FERMT1: variants seen among roughly 807,000 people sequenced by gnomAD.
FERMT1 encodes FERM domain containing kindlin 1, also known as fermitin family homolog 1.
In FERMT1, 60 loss-of-function variants were observed where a neutral mutation model predicts 85.3. The observed-to-expected ratio is 0.70, with a 90% CI of 0.57 to 0.87. The LOEUF is 0.87. FERMT1 is among the 40% of genes least tolerant of loss of function. FERMT1 has a pLI of 0.00. For synonymous variants in FERMT1, 275 were observed against 301.1 expected (o/e 0.91, Z 0.90); for missense variants, 701 against 818.9 (o/e 0.86, Z 1.76).
chr20:6,077,717 G>C (rs1981869710), intron 14 of FERMT1, among the ~76,000 whole-genome samples: 1 of 151,794 alleles, frequency 6.6e-6, no homozygotes, highest in African/African-American at 2.4e-5. Flanking sequence ...GTCTCTCTCT[G>C]TCACCCAGGC....
At position 6,107,643 on chromosome 20, in the gene FERMT1, T is replaced by C; in HGVS notation, c.747-9A>G. 6.5e-7 allele frequency: 1 copy of C among 1,538,210 alleles called. No homozygotes were observed. The highest frequency in any genetic ancestry group is 1.4e-5 in the African/African-American group (1 of 73,576). On this transcript the variant is annotated splice_polypyrimidine_tract_variant and intron_variant, in intron 5 of 14. Coordinates refer to ENST00000217289, the MANE Select transcript of FERMT1 (RefSeq NM_017671.5). Reference sequence around the variant, plus strand: ...GTGAGGAGTCTAGCCAACTAGAAAATGACAGCATGAGTTTTAGAAGCCAGT... The same window carrying C: ...GTGAGGAGTCTAGCCAACTAGAAAACGACAGCATGAGTTTTAGAAGCCAGT...
chr20:6,097,700 A>G, intron 6 of FERMT1, 69 bp from the exon 7 acceptor site: 2 of 1,078,404 alleles, frequency 1.9e-6, no homozygotes, highest in Non-Finnish European at 2.9e-6. Context: ...AGATTCTGAA[A>G]CAACTGAGGC....
At chr20:6,097,111 T>C in intron 7 of FERMT1, 78 bp from the exon 8 acceptor site, 1 of 1,417,080 alleles carries the variant, frequency 7.1e-7, no homozygotes, top group Non-Finnish European at 9.9e-7. Flanking sequence ...AGCCATTTTT[T>C]TCTTTGAGGA....
chr20:6,081,067 A>G (rs1981981160), intron 13 of FERMT1, among the ~76,000 whole-genome samples: 1 of 152,144 alleles, frequency 6.6e-6, no homozygotes, highest in African/African-American at 2.4e-5. Flanking sequence ...CAAGGGGATT[A>G]CTTGAAGCCA....
chr20:6,082,717 G>A (rs536290127), intron 13 of FERMT1, among the ~76,000 whole-genome samples: 20 of 152,264 alleles, frequency 1.3e-4, no homozygotes, highest in Admixed American at 3.9e-4. Flanking sequence ...GGGCAGTGGC[G>A]CGATCTCAGC....
intron 2 of FERMT1, 125 bp downstream of exon 2, chr20:6,119,279 G>C: frequency 1.0e-6 from 1 of 980,764 alleles, no homozygotes; most frequent in Admixed American, 1.8e-5. Flanking sequence ...CTGGGATGAG[G>C]GGTGGGGGAT....
chr20:6,079,442 G>A lies in FERMT1; in HGVS notation c.1854C>T (p.Thr618=), dbSNP rs767224833. ...NIKQWNVNWE[T]RQVVIEFDQN... Reference sequence around the variant, plus strand: ...GCAAAAACTTTCACTTTACCTGCCGGGTTTCCCAGTTTACATTCCACTGTT... The same window carrying A: ...GCAAAAACTTTCACTTTACCTGCCGAGTTTCCCAGTTTACATTCCACTGTT... Residue 618 remains threonine (T), a synonymous_variant, in exon 14 of 15, where the codon ACC becomes ACT. Coordinates refer to ENST00000217289, the MANE Select transcript of FERMT1 (RefSeq NM_017671.5). The A allele has an allele frequency of 2.5e-6, 4 of 1,614,046 alleles. No individual in the cohort carries two copies. The South Asian group carries it at 3.3e-5, about 13-fold the overall frequency.
At chr20:6,086,682 T>C (rs1172409366) in intron 11 of FERMT1, among the ~76,000 whole-genome samples, 1 of 152,146 alleles carries the variant, frequency 6.6e-6, no homozygotes, top group Non-Finnish European at 1.5e-5. Flanking sequence ...TCTTGTGATA[T>C]TGAGTGAGTT....
At chr20:6,113,091 G>A (rs1983002739) in intron 3 of FERMT1, among the ~76,000 whole-genome samples, 1 of 152,116 alleles carries the variant, frequency 6.6e-6, no homozygotes, top group Non-Finnish European at 1.5e-5. Context: ...GGAGGTAATT[G>A]AATCATGGGG....
chr20:6,121,108 T>A (rs1983259771), intron 1 of FERMT1, among the ~76,000 whole-genome samples: 1 of 152,118 alleles, frequency 6.6e-6, no homozygotes, highest in Non-Finnish European at 1.5e-5. Context: ...CAGAAGTAGC[T>A]CCTTATGTTT....
chr20:6,110,537 A>G, intron 4 of FERMT1, 26 bp from the exon 5 acceptor site: 1 of 1,507,136 alleles, frequency 6.6e-7, no homozygotes, highest in Non-Finnish European at 9.2e-7. Flanking sequence ...ATCAAGAACT[A>G]TGATATGAGA....
At chr20:6,103,711 A>G (rs1452125206) in intron 6 of FERMT1, among the ~76,000 whole-genome samples, 3 of 148,050 alleles carry the variant, frequency 2.0e-5, no homozygotes, top group Non-Finnish European at 4.4e-5. Context: ...TTTACATATT[A>G]GAGAAATTCA....
chr20:6,113,222 C>G (rs1206976438), intron 3 of FERMT1, among the ~76,000 whole-genome samples: 1 of 152,192 alleles, frequency 6.6e-6, no homozygotes, highest in African/African-American at 2.4e-5. Context: ...TAAGACGTGA[C>G]TTGCTCCTCC....
At position 6,075,049 on chromosome 20, in the gene FERMT1, G is replaced by T. The variant is rs60522800; in HGVS notation, c.*2124C>A. 30,122 of 128,912 alleles carry T rather than the reference G, an allele frequency of 0.23. 3,736 individuals are homozygous for T. Among genetic ancestry groups the T allele is most frequent in the East Asian group, 0.57 (2,709 of 4,742 alleles). 8.0% of individuals were successfully genotyped at this position (128,912 alleles called of 1,614,324 possible). On this transcript the variant is annotated 3_prime_UTR_variant, in exon 15 of 15. Transcript: ENST00000217289. Reference sequence around the variant, plus strand: ...CTTTGGAACAGTAGCATTTAGGTTTGTTTTTTTTTTTTTTTGTCACACTTG... The same window carrying T: ...CTTTGGAACAGTAGCATTTAGGTTTTTTTTTTTTTTTTTTTGTCACACTTG...
chr20:6,094,743 A>C lies in FERMT1; in HGVS notation c.1139+196T>G, dbSNP rs139486209. On this transcript the variant is annotated intron_variant, in intron 9 of 14. Transcript: ENST00000217289. ...TTGGAAAATGGAGGCTCAGAGACAT[A>C]ATATATTGCTCAAGGTCACCTAGCT... 2.6e-5 allele frequency among the ~76,000 whole-genome samples: 4 copies of C among 152,322 alleles called. No homozygotes were observed. In the East Asian group the frequency reaches 7.7e-4, roughly 29 times the overall value.
At chr20:6,098,745 C>T (rs533516888) in intron 6 of FERMT1, among the ~76,000 whole-genome samples, 19 of 152,118 alleles carry the variant, frequency 1.2e-4, no homozygotes, top group African/African-American at 4.3e-4. Context: ...ATAATTTAAA[C>T]ATATAAAACC....
intron 9 of FERMT1, among the ~76,000 whole-genome samples, chr20:6,092,846 AAATTCCTCTGTGTG>A (rs928461886): frequency 6.6e-6 from 1 of 151,934 alleles, no homozygotes; most frequent in African/African-American, 2.4e-5. Flanking sequence ...TCTATTCCCT[AAATTCCTCTGTGTG>A]GCTGATGCTG....
intron 11 of FERMT1, among the ~76,000 whole-genome samples, chr20:6,086,801 T>G (rs375128259): frequency 6.6e-6 from 1 of 152,100 alleles, no homozygotes. Context: ...TCCGCTAAGA[T>G]TGTAAGTTTC....
At chr20:6,111,754 C>T (rs1487198049) in intron 4 of FERMT1, among the ~76,000 whole-genome samples, 1 of 152,184 alleles carries the variant, frequency 6.6e-6, no homozygotes, top group Non-Finnish European at 1.5e-5. Flanking sequence ...AGAATTTTCA[C>T]CTGCCCTCCT....
Sources: allele counts gnomAD v4.1 joint callset (sites outside exome capture counted in the v4.1 genomes callset), GRCh38; gene constraint gnomAD v4.1.1; transcripts MANE v1.5; gene names NCBI Gene and HGNC (gene_info 2026-07-23, HGNC 2026-07-21).